Variants in ACAN observed in about 807,000 individuals in gnomAD.
The protein encoded by ACAN is aggrecan, also known as aggrecan core protein.
ACAN carries 47 observed loss-of-function variants against 169.1 expected under a neutral mutation model. The ratio of observed to expected loss-of-function variants is 0.28; its 90% CI spans 0.22 to 0.35. The LOEUF (loss-of-function observed/expected upper bound fraction) is 0.35. Among genes scored for constraint, ACAN ranks in the 10% least tolerant of loss-of-function variants. ACAN has a pLI of 1.00. For synonymous variants in ACAN, 1,115 were observed against 1,112.2 expected (o/e 1.00, Z -0.05); for missense variants, 2,716 against 2,759.9 (o/e 0.98, Z 0.36).
At chr15:88,822,072 G>A (rs1218809239) in intron 1 of ACAN, among the ~76,000 whole-genome samples, 3 of 152,184 alleles carry the variant, frequency 2.0e-5, no homozygotes, top group Non-Finnish European at 4.4e-5. Flanking sequence ...CCTGAGCCTT[G>A]GTATTCAGGG....
intron 1 of ACAN, among the ~76,000 whole-genome samples, chr15:88,823,001 G>T (rs1896117356): frequency 6.6e-6 from 1 of 152,150 alleles, no homozygotes; most frequent in Non-Finnish European, 1.5e-5. Context: ...CCACACATCT[G>T]ATGGCCCTTT....
At position 88,860,308 on chromosome 15, in the gene ACAN, C is replaced by T; in HGVS notation, c.6833-18C>T. 1 of 1,578,132 alleles carries T rather than the reference C, an allele frequency of 6.3e-7. No homozygotes were observed. The highest frequency in any genetic ancestry group is 1.1e-5 in the South Asian group (1 of 87,244). ...TGACTGTGTTCTTGATGCTCAACCTCTCCCCTGGGGGTTGCAGCCCCCGCC... is the reference window on the plus strand; with the variant it reads ...TGACTGTGTTCTTGATGCTCAACCTTTCCCCTGGGGGTTGCAGCCCCCGCC... On this transcript the variant is annotated intron_variant, in intron 12 of 18. Coordinates refer to ENST00000560601, the MANE Select transcript of ACAN (RefSeq NM_001369268.1).
intron 4 of ACAN, 49 bp downstream of exon 4, chr15:88,840,235 G>A: frequency 6.6e-7 from 1 of 1,511,634 alleles, no homozygotes; most frequent in Non-Finnish European, 8.8e-7. Context: ...AGCAGCCACA[G>A]GGGAGTGGGG....
Position 88,849,463 on chromosome 15 carries a change from T to C in ACAN, c.1758T>C (p.Leu586=). 2 of 1,602,978 alleles carry C rather than the reference T, an allele frequency of 1.2e-6. No individual in the cohort carries two copies. Among genetic ancestry groups the C allele is most frequent in the Non-Finnish European group, 1.7e-6 (2 of 1,172,926 alleles). Residue 586 remains leucine, a synonymous_variant, in exon 10 of 19, where the codon CTT becomes CTC. Transcript: ENST00000560601. The surrounding 1 kb of genome is among the most constrained non-coding windows in gnomAD (Gnocchi z 5.1). ...LEGEVFFATR[L]EQFTFQEALE... is the part of the protein sequence containing the mutation. ...GGGAGGTGTTCTTCGCCACACGCCT[T>C]GAGCAGTTCACCTTCCAGGAAGCAC...
At position 88,860,409 on chromosome 15, in the gene ACAN, C is replaced by G. The variant is rs1429348431; in HGVS notation, c.6916C>G (p.Pro2306Ala). The G allele has an allele frequency of 1.9e-6, 3 of 1,613,538 alleles. No homozygotes were observed. Among genetic ancestry groups the G allele is most frequent in the South Asian group, 1.1e-5 (1 of 91,018 alleles). ...TEGHVICLCP[P>A]GYTGEHCNID... ...GGGACACGTCATATGCCTGTGCCCC[C>G]CTGGCTACACTGGCGAGCACTGTAA... Residue 2306 changes from proline (P) to alanine (A), a missense_variant, in exon 13 of 19, where the codon CCT becomes GCT. Transcript: ENST00000560601.
At position 88,873,439 on chromosome 15, in the gene ACAN, C is replaced by T. The variant is rs564413193; in HGVS notation, c.7448-403C>T. On this transcript the variant is annotated intron_variant, in intron 17 of 18. Coordinates refer to ENST00000560601, the MANE Select transcript of ACAN (RefSeq NM_001369268.1). The surrounding 1 kb of genome is among the most constrained non-coding windows in gnomAD (Gnocchi z 7.5). ...AGGCCTCGATCCTTTGGCTTTCAGT[C>T]TGTGGACATTGAGGTGCTGGTAGGA... is the stretch of plus-strand genomic sequence containing the variant. Among the ~76,000 whole-genome samples the T allele has an allele frequency of 6.6e-6, 1 of 152,316 alleles. No homozygotes were observed. The highest frequency in any genetic ancestry group is 2.1e-4 in the South Asian group (1 of 4,822).
chr15:88,838,687 G>C lies in ACAN; in HGVS notation c.95G>C (p.Ser32Thr). ...GACCATGACAACTCGCTGAGTGTCA[G>C]CATCCCCCAACCGTCCCCGCTGAGG... is the stretch of plus-strand genomic sequence containing the variant. Reference protein sequence around the residue: ...TSDHDNSLSVSIPQPSPLRVL... With the variant: ...TSDHDNSLSVTIPQPSPLRVL... The change falls in exon 3 of 19, where the codon AGC becomes ACC. Residue 32 changes from serine (S) to threonine (T), a missense_variant. Coordinates refer to ENST00000560601, the MANE Select transcript of ACAN (RefSeq NM_001369268.1). The surrounding 1 kb of genome is among the most constrained non-coding windows in gnomAD (Gnocchi z 5.1). The C allele has an allele frequency of 6.3e-7, 1 of 1,592,724 alleles. No homozygotes were observed. The highest frequency in any genetic ancestry group is 8.6e-7 in the Non-Finnish European group (1 of 1,167,982).
At position 88,852,509 on chromosome 15, in the gene ACAN, T is replaced by G. The variant is rs181156541; in HGVS notation, c.2266+476T>G. Among the ~76,000 whole-genome samples, 624 of 152,292 alleles carry G rather than the reference T, an allele frequency of 4.1e-3. 36 individuals carry two copies. The South Asian group carries it at 0.11, about 26-fold the overall frequency. ...TTTCCCTCTTCTGGGCCAGGCCTCC[T>G]CAGGCAGAACTTCCTGAACTCTGTC... On this transcript the variant is annotated intron_variant, in intron 11 of 18. Transcript: ENST00000560601.
At chr15:88,862,635 T>C (rs1735696733) in intron 13 of ACAN, among the ~76,000 whole-genome samples, 1 of 152,166 alleles carries the variant, frequency 6.6e-6, no homozygotes, top group South Asian at 2.1e-4. Flanking sequence ...GGACTGCAGA[T>C]AGTGGCCAGT....
At chr15:88,865,225 G>C (rs1031254978) in intron 13 of ACAN, among the ~76,000 whole-genome samples, 1 of 152,174 alleles carries the variant, frequency 6.6e-6, no homozygotes, top group Non-Finnish European at 1.5e-5. Flanking sequence ...CAGAGTCCCT[G>C]CTCAGTGATG....
In ACAN at chr15:88,854,934, C is replaced by T; in HGVS notation, c.2349C>T (p.Ala783=). The T allele has an allele frequency of 6.3e-7, 1 of 1,593,966 alleles. No individual in the cohort carries two copies. Among genetic ancestry groups the T allele is most frequent in the Non-Finnish European group, 8.5e-7 (1 of 1,171,364 alleles). Residue 783 remains alanine (A), a synonymous_variant, in exon 12 of 19, where the codon GCC becomes GCT. Transcript: ENST00000560601. ...EGPSATEVPS[A]SEEPSPSEVP... is the part of the protein sequence containing the mutation. The stretch of plus-strand genomic sequence containing the variant: ...CTTCTGCAACTGAAGTGCCCTCTGC[C>T]TCAGAGGAACCATCCCCCTCAGAGG...
rs150414692 is a variant in ACAN, at chr15:88,848,342, C to T, written c.1732+304C>T. ...GTTTATTATAAATAAACGCTATATACACCAACTCCTTCTTGGAGAGTCCCA... is the reference window on the plus strand; with the variant it reads ...GTTTATTATAAATAAACGCTATATATACCAACTCCTTCTTGGAGAGTCCCA... On this transcript the variant is annotated intron_variant, in intron 9 of 18. Transcript: ENST00000560601. 1.8e-3 allele frequency among the ~76,000 whole-genome samples: 268 copies of T among 152,346 alleles called. 3 individuals are homozygous for T. Among genetic ancestry groups the T allele is most frequent in the Admixed American group, 0.012 (183 of 15,304 alleles).
chr15:88,843,456 T>C lies in ACAN; in HGVS notation c.859T>C (p.Tyr287His). ...CCGGCTGGCCACCACGGGCCAGCTC[T>C]ACCTGGCCTGGCAGGCTGGCATGGA... is the stretch of plus-strand genomic sequence containing the variant. ...GARLATTGQL[Y>H]LAWQAGMDMC... The change falls in exon 6 of 19, where the codon TAC (tyrosine) becomes CAC (histidine). Residue 287 changes from tyrosine (Y) to histidine (H), a missense_variant. Physicochemically the swap from Tyr to His is moderately conservative, Grantham distance 83. Around this residue, in one of 3 missense-constraint regions of ACAN, gnomAD observed 1,283 missense variants for 1,281.5 expected, o/e 1.00. Transcript: ENST00000560601. This position sits in a 1 kb window ranked among gnomAD's most constrained non-coding sequence, Gnocchi z 4.0. 1 of 1,611,460 alleles carries C rather than the reference T, an allele frequency of 6.2e-7. No individual in the cohort carries two copies.
chr15:88,843,761 G>T lies in ACAN; in HGVS notation c.1051+113G>T. 1 of 1,345,280 alleles carries T rather than the reference G, an allele frequency of 7.4e-7. No individual in the cohort carries two copies. The highest frequency in any genetic ancestry group is 1.5e-5 in the African/African-American group (1 of 68,592). The allele number at this position is 1,345,280 out of a possible 1,614,324, so 83.3% of individuals were successfully genotyped here. ...GTTTTTGCCCTTGAAGGGGCCACGG[G>T]GTACCTGAACCCCATGTTTTTAGGA... On this transcript the variant is annotated intron_variant, in intron 6 of 18. Coordinates refer to ENST00000560601, the MANE Select transcript of ACAN (RefSeq NM_001369268.1). This position sits in a 1 kb window ranked among gnomAD's most constrained non-coding sequence, Gnocchi z 4.0.
chr15:88,835,284 G>A (rs1226803162), intron 1 of ACAN, among the ~76,000 whole-genome samples: 1 of 152,066 alleles, frequency 6.6e-6, no homozygotes, highest in East Asian at 1.9e-4. Context: ...GTTTCATTAG[G>A]GATGTTGAGC....
rs1357274164 is a variant in ACAN at position 88,859,112 on chromosome 15, A to G, written c.6527A>G (p.Asp2176Gly). ...EVSGESTTTS[D>G]VGTEAPGLPS... ...AGTGGAGAATCCACCACCACCAGTG[A>G]TGTGGGGACAGAGGCACCAGGCTTG... The change falls in exon 12 of 19, where the codon GAT (aspartate) becomes GGT (glycine). Residue 2176 changes from aspartate (D) to glycine (G), a missense_variant. Physicochemically the swap from Asp to Gly is moderately conservative, Grantham distance 94. This residue lies in a region of ACAN where 1,389 missense variants were observed against 1,363.7 expected (regional missense o/e 1.02). Transcript: ENST00000560601. The G allele has an allele frequency of 6.2e-7, 1 of 1,613,748 alleles. No homozygotes were observed. Among genetic ancestry groups the G allele is most frequent in the African/African-American group, 1.3e-5 (1 of 74,934 alleles).
intron 1 of ACAN, among the ~76,000 whole-genome samples, chr15:88,816,651 C>T (rs1237035041): frequency 6.6e-6 from 1 of 152,182 alleles, no homozygotes; most frequent in Non-Finnish European, 1.5e-5. Context: ...CCTGGCTGTT[C>T]CATGCACTAT....
At chr15:88,835,507 G>T (rs753809840) in intron 1 of ACAN, among the ~76,000 whole-genome samples, 33 of 152,200 alleles carry the variant, frequency 2.2e-4, no homozygotes, top group Non-Finnish European at 4.4e-4. Flanking sequence ...TGCATGATAA[G>T]TTGGTAAGCT....
rs377284915 is a variant in ACAN, at chr15:88,858,248, C to T, written c.5663C>T (p.Thr1888Ile). The T allele has an allele frequency of 1.5e-5, 25 of 1,613,738 alleles. No homozygotes were observed. Among genetic ancestry groups the T allele is most frequent in the Middle Eastern group, 3.3e-4 (2 of 6,084 alleles). Residue 1888 changes from threonine (T) to isoleucine (I), a missense_variant, in exon 12 of 19, where the codon ACA (threonine) becomes ATA (isoleucine). Thr to Ile is a moderately conservative substitution (Grantham distance 89). Coordinates refer to ENST00000560601, the MANE Select transcript of ACAN (RefSeq NM_001369268.1). This position sits in a 1 kb window ranked among gnomAD's most constrained non-coding sequence, Gnocchi z 4.0. ...GGAACAGTCGATTCCAGTGGGTTTA[C>T]ATCCCAGACTCCGGAATTCAGTGGC... The part of the protein sequence containing the change: ...FSGTVDSSGF[T>I]SQTPEFSGLP...
Sources: allele counts gnomAD v4.1 joint callset (sites outside exome capture counted in the v4.1 genomes callset), GRCh38; gene constraint gnomAD v4.1.1; regional missense constraint gnomAD v4.1.1; non-coding constraint Gnocchi (gnomAD v3.1); transcripts MANE v1.5; gene names NCBI Gene and HGNC (gene_info 2026-07-23, HGNC 2026-07-21).